Variants in GABRG3 observed in about 807,000 individuals in gnomAD.
GABRG3 encodes gamma-aminobutyric acid receptor subunit gamma-3.
A neutral mutation model predicts 48.8 loss-of-function variants in GABRG3; 25 were observed. That is an observed-to-expected ratio of 0.51 (90% CI 0.37 to 0.72). The LOEUF is 0.72. Ranked by LOEUF, GABRG3 falls within the 30% of genes least tolerant of loss-of-function variation. The probability of loss-of-function intolerance (pLI) is 0.00; values close to 1 mark genes in which losing one functional copy is unlikely to be tolerated. For missense variants in GABRG3, 394 were observed against 577.9 expected (o/e 0.68, Z 3.26); for synonymous variants, 227 against 217.6 (o/e 1.04, Z -0.38).
chr15:27,334,999 C>T (rs1233715439), intron 5 of GABRG3, among the ~76,000 whole-genome samples: 1 of 152,178 alleles, frequency 6.6e-6, no homozygotes, highest in Non-Finnish European at 1.5e-5. Context: ...TCTGATAAGG[C>T]TTGAATCTGT....
intron 5 of GABRG3, among the ~76,000 whole-genome samples, chr15:27,396,800 A>C (rs1324776505): frequency 6.6e-6 from 1 of 152,248 alleles, no homozygotes; most frequent in East Asian, 1.9e-4. Context: ...GATTTAAAAA[A>C]AGCTCTTGAT....
Position 27,474,449 on chromosome 15 carries a change from A to ATT in GABRG3, c.575-6201_575-6200insTT, listed in dbSNP as rs1332818733. ...AATACCAAGAGAGGAAACAAATGGG[A>ATT]CAGGAGGTCTTTTCTAATGATTCAA... On this transcript the variant is annotated intron_variant, in intron 5 of 9. Coordinates refer to ENST00000615808, the MANE Select transcript of GABRG3 (RefSeq NM_033223.5). 2.0e-5 allele frequency among the ~76,000 whole-genome samples: 3 copies of ATT among 152,178 alleles called. No individual in the cohort carries two copies. The East Asian group carries it at 5.8e-4, about 29-fold the overall frequency.
At chr15:27,450,456 CA>C (rs1889075733) in intron 5 of GABRG3, among the ~76,000 whole-genome samples, 1 of 152,070 alleles carries the variant, frequency 6.6e-6, no homozygotes, top group South Asian at 2.1e-4. Context: ...GAACAAAGGA[CA>C]AAAACCTTAT....
intron 3 of GABRG3, among the ~76,000 whole-genome samples, chr15:27,119,998 A>T (rs1017323823): frequency 1.3e-5 from 2 of 152,194 alleles, no homozygotes; most frequent in Non-Finnish European, 2.9e-5. Context: ...TCCTTGTCAT[A>T]CTCAAGAGGT....
chr15:27,509,204 C>G (rs1056424979), intron 6 of GABRG3, among the ~76,000 whole-genome samples: 2 of 152,020 alleles, frequency 1.3e-5, no homozygotes, highest in African/African-American at 4.8e-5. Context: ...CTTTTTGCTC[C>G]TCTGGTGAGG....
intron 3 of GABRG3, among the ~76,000 whole-genome samples, chr15:27,122,011 A>G (rs1159260726): frequency 6.6e-6 from 1 of 152,194 alleles, no homozygotes; most frequent in Non-Finnish European, 1.5e-5. Flanking sequence ...TGGATACAAA[A>G]AATAGAAAGA....
At chr15:27,050,753 T>G (rs545953577) in intron 3 of GABRG3, among the ~76,000 whole-genome samples, 1 of 152,162 alleles carries the variant, frequency 6.6e-6, no homozygotes, top group African/African-American at 2.4e-5. Context: ...AACTATTTCT[T>G]AAGTTATAGA....
chr15:27,439,802 G>C (rs1888728577), intron 5 of GABRG3, among the ~76,000 whole-genome samples: 1 of 152,184 alleles, frequency 6.6e-6, no homozygotes, highest in Non-Finnish European at 1.5e-5. Flanking sequence ...TCTATTTCCA[G>C]ACAGATCACT....
intron 5 of GABRG3, among the ~76,000 whole-genome samples, chr15:27,375,373 AG>A (rs1445928266): frequency 6.6e-6 from 1 of 152,152 alleles, no homozygotes; most frequent in Non-Finnish European, 1.5e-5. Flanking sequence ...AGAGAGCTTG[AG>A]GTATCTTCTT....
intron 6 of GABRG3, among the ~76,000 whole-genome samples, chr15:27,498,340 A>C (rs1055522090): frequency 6.6e-6 from 1 of 151,936 alleles, no homozygotes; most frequent in African/African-American, 2.4e-5. Context: ...CTCTGCTTCT[A>C]AATTATTTGT....
At chr15:27,494,527 T>C (rs1890435824) in intron 6 of GABRG3, among the ~76,000 whole-genome samples, 2 of 152,188 alleles carry the variant, frequency 1.3e-5, no homozygotes, top group South Asian at 4.1e-4. Context: ...TTAATGATTA[T>C]AAGACTATCC....
At chr15:27,088,054 TTGTG>T (rs1298488108) in intron 3 of GABRG3, among the ~76,000 whole-genome samples, 2 of 145,780 alleles carry the variant, frequency 1.4e-5, no homozygotes, top group South Asian at 2.2e-4. Flanking sequence ...GCTGTGGTGT[TTGTG>T]TGTGGTGTGC....
chr15:27,308,478 TATA>T (rs1279187545), intron 3 of GABRG3, among the ~76,000 whole-genome samples: 6 of 145,808 alleles, frequency 4.1e-5, no homozygotes, highest in East Asian at 4.2e-4. Context: ...TATATAAACA[TATA>T]ATGTAAACAT....
intron 3 of GABRG3, among the ~76,000 whole-genome samples, chr15:27,130,778 T>C (rs1175153230): frequency 6.6e-6 from 1 of 152,106 alleles, no homozygotes; most frequent in African/African-American, 2.4e-5. Context: ...TTTGGTACTA[T>C]TGTAAATGGA....
At chr15:27,334,956 T>G (rs1428529240) in intron 5 of GABRG3, among the ~76,000 whole-genome samples, 6 of 152,186 alleles carry the variant, frequency 3.9e-5, no homozygotes, top group African/African-American at 1.4e-4. Flanking sequence ...AAAAGGCAAA[T>G]TAGGCTGGGA....
chr15:27,009,445 A>G (rs536609875), intron 2 of GABRG3, among the ~76,000 whole-genome samples: 1 of 152,332 alleles, frequency 6.6e-6, no homozygotes, highest in East Asian at 1.9e-4. Context: ...ACATATTTAC[A>G]TATTTAGATA....
rs753693959 is a variant in GABRG3, at chr15:27,477,857, G to A, written c.575-2793G>A. Reference sequence around the variant, plus strand: ...AGATCAAGACCATCCTGGCTAACATGGTGAAACCCCGTCTCTACCCAAAAT... The same window carrying A: ...AGATCAAGACCATCCTGGCTAACATAGTGAAACCCCGTCTCTACCCAAAAT... On this transcript the variant is annotated intron_variant, in intron 5 of 9. Transcript: ENST00000615808. Among the ~76,000 whole-genome samples, 120 of 152,066 alleles carry A rather than the reference G, an allele frequency of 7.9e-4. 1 individual carries two copies. The highest frequency in any genetic ancestry group is 2.9e-4 in the Non-Finnish European group (20 of 68,000).
rs539459938 is a variant in GABRG3 at position 27,033,087 on chromosome 15, G to T, written c.270+6266G>T. ...TGTGTCGAGGAGATAACCAGTATTG[G>T]TTGGCTTTCTTCTCTGACATTCATA... On this transcript the variant is annotated intron_variant, in intron 3 of 9. Transcript: ENST00000615808. Among the ~76,000 whole-genome samples, 10 of 152,290 alleles carry T rather than the reference G, an allele frequency of 6.6e-5. No homozygotes were observed. In the South Asian group the frequency reaches 2.1e-3, roughly 32 times the overall value.
In GABRG3 at chr15:27,064,235, G is replaced by A. The variant is rs1166795934; in HGVS notation, c.270+37414G>A. ...TACTGGATACTTGCAGTGTTGGCTA[G>A]CATGAGGTGTGAGAAGCAGATGGCC... On this transcript the variant is annotated intron_variant, in intron 3 of 9. Coordinates refer to ENST00000615808, the MANE Select transcript of GABRG3 (RefSeq NM_033223.5). 2.6e-5 allele frequency among the ~76,000 whole-genome samples: 4 copies of A among 152,178 alleles called. No homozygotes were observed. The East Asian group carries it at 7.7e-4, about 29-fold the overall frequency.
Sources: allele counts gnomAD v4.1 joint callset (sites outside exome capture counted in the v4.1 genomes callset), GRCh38; gene constraint gnomAD v4.1.1; transcripts MANE v1.5; gene names NCBI Gene and HGNC (gene_info 2026-07-23, HGNC 2026-07-21).